Variants in PTPRD observed in about 807,000 individuals in gnomAD.
The protein encoded by PTPRD is receptor-type tyrosine-protein phosphatase delta.
PTPRD carries 34 observed loss-of-function variants against 214.5 expected under a neutral mutation model. The ratio of observed to expected loss-of-function variants is 0.16; its 90% CI spans 0.12 to 0.21. PTPRD has a LOEUF of 0.21. Among genes scored for constraint, PTPRD ranks in the 10% least tolerant of loss-of-function variants. The pLI is 1.00. For missense variants in PTPRD, 2,545 were observed against 2,398.7 expected (o/e 1.06, Z -1.27); for synonymous variants, 1,128 against 845.7 (o/e 1.33, Z -5.79).
At chr9:8,582,609 T>C (rs2093276739) in intron 14 of PTPRD, among the ~76,000 whole-genome samples, 1 of 152,040 alleles carries the variant, frequency 6.6e-6, no homozygotes, top group Admixed American at 6.6e-5. Context: ...AGATGAAACA[T>C]ATGGAGAATA....
At chr9:9,814,068 C>T (rs2153552312) in intron 5 of PTPRD, among the ~76,000 whole-genome samples, 1 of 152,080 alleles carries the variant, frequency 6.6e-6, no homozygotes, top group African/African-American at 2.4e-5. Flanking sequence ...TCAATAGATG[C>T]AGAAAATGAA....
At chr9:9,530,735 C>T (rs1381912653) in intron 8 of PTPRD, among the ~76,000 whole-genome samples, 1 of 152,106 alleles carries the variant, frequency 6.6e-6, no homozygotes, top group Non-Finnish European at 1.5e-5. Context: ...TCATTTGCAG[C>T]AACATGGATG....
At chr9:10,337,565 T>A (rs1329033027) in intron 3 of PTPRD, among the ~76,000 whole-genome samples, 3 of 151,736 alleles carry the variant, frequency 2.0e-5, no homozygotes, top group Admixed American at 1.3e-4. Flanking sequence ...GTATATTCAC[T>A]CATGCATTTT....
At chr9:9,478,085 G>C (rs1165241625) in intron 8 of PTPRD, among the ~76,000 whole-genome samples, 2 of 152,060 alleles carry the variant, frequency 1.3e-5, no homozygotes, top group African/African-American at 4.8e-5. Flanking sequence ...TGTTTTGATT[G>C]TCTCAAATAA....
intron 9 of PTPRD, among the ~76,000 whole-genome samples, chr9:9,202,712 T>C (rs1360322706): frequency 2.0e-5 from 3 of 152,348 alleles, no homozygotes; most frequent in Admixed American, 1.3e-4. Context: ...CCAAATGATC[T>C]TCTGAACTGC....
At chr9:8,861,418 G>C (rs536158747) in intron 11 of PTPRD, 2 of 152,134 alleles carry the variant, frequency 1.3e-5, no homozygotes, top group South Asian at 4.2e-4. Context: ...TACATACTAA[G>C]TTGTTTTATT....
chr9:9,725,150 A>G (rs72708464), intron 7 of PTPRD, among the ~76,000 whole-genome samples: 1,791 of 152,210 alleles, frequency 0.012, 18 homozygotes, highest in Middle Eastern at 0.037. Flanking sequence ...TGTGTCCCCA[A>G]TCAAATCTCA....
chr9:8,578,625 C>T (rs1030427743), intron 14 of PTPRD, among the ~76,000 whole-genome samples: 3 of 152,152 alleles, frequency 2.0e-5, no homozygotes, highest in Admixed American at 2.0e-4. Flanking sequence ...GGAAAGGCAA[C>T]AGGATCCGCC....
At chr9:8,789,308 C>G (rs1328173297) in intron 11 of PTPRD, among the ~76,000 whole-genome samples, 1 of 152,182 alleles carries the variant, frequency 6.6e-6, no homozygotes, top group Non-Finnish European at 1.5e-5. Context: ...AGGTGGTTGT[C>G]TGACCCAAAA....
At chr9:8,870,187 C>T (rs2098271235) in intron 11 of PTPRD, among the ~76,000 whole-genome samples, 1 of 151,456 alleles carries the variant, frequency 6.6e-6, no homozygotes, top group African/African-American at 2.4e-5. Flanking sequence ...ATCCCCTGCC[C>T]TTTAAATTAT....
chr9:9,052,531 G>A (rs1461863003), intron 10 of PTPRD, among the ~76,000 whole-genome samples: 1 of 152,096 alleles, frequency 6.6e-6, no homozygotes, highest in Non-Finnish European at 1.5e-5. Flanking sequence ...ACACTGAAAG[G>A]TATGTTAGTG....
At chr9:9,308,828 A>G (rs1042719201) in intron 9 of PTPRD, among the ~76,000 whole-genome samples, 3 of 152,174 alleles carry the variant, frequency 2.0e-5, no homozygotes, top group African/African-American at 7.2e-5. Context: ...TATTTAAACT[A>G]CAAAATTTTC....
chr9:9,735,040 G>C (rs2098269242), intron 6 of PTPRD, among the ~76,000 whole-genome samples: 1 of 151,988 alleles, frequency 6.6e-6, no homozygotes, highest in Non-Finnish European at 1.5e-5. Context: ...TTTTTGAAAA[G>C]TAAAACCATG....
At chr9:8,924,694 A>G (rs1388845292) in intron 11 of PTPRD, among the ~76,000 whole-genome samples, 1 of 152,044 alleles carries the variant, frequency 6.6e-6, no homozygotes, top group Non-Finnish European at 1.5e-5. Context: ...GTAGAAGGAA[A>G]CTGTTAATGA....
intron 3 of PTPRD, among the ~76,000 whole-genome samples, chr9:10,330,990 G>C (rs1034506664): frequency 1.3e-5 from 2 of 151,728 alleles, no homozygotes; most frequent in African/African-American, 4.8e-5. Flanking sequence ...CATCCTTGTG[G>C]ATTTCAGTTT....
chr9:9,532,077 G>A (rs537486532), intron 8 of PTPRD, among the ~76,000 whole-genome samples: 1 of 151,782 alleles, frequency 6.6e-6, no homozygotes. Flanking sequence ...GCATAAATAA[G>A]GACAAGTCTC....
intron 8 of PTPRD, among the ~76,000 whole-genome samples, chr9:9,404,225 G>A (rs1251216784): frequency 6.6e-6 from 1 of 152,058 alleles, no homozygotes; most frequent in African/African-American, 2.4e-5. Flanking sequence ...TTAAGAAGTT[G>A]AGTGACATTA....
intron 5 of PTPRD, among the ~76,000 whole-genome samples, chr9:9,930,024 A>T (rs771226860): frequency 6.6e-6 from 1 of 152,256 alleles, no homozygotes; most frequent in South Asian, 2.1e-4. Context: ...AGTCTGTAGG[A>T]AACAAAACAA....
chr9:10,510,229 T>C (rs775502117), intron 2 of PTPRD, among the ~76,000 whole-genome samples: 1 of 152,134 alleles, frequency 6.6e-6, no homozygotes, highest in African/African-American at 2.4e-5. Context: ...TATGGGTCTA[T>C]GATTCATTGT....
Sources: gnomAD v4.1 joint callset for allele counts (sites outside exome capture counted in the v4.1 genomes callset) on GRCh38, gnomAD v4.1.1 for gene constraint, MANE v1.5 for transcripts, NCBI Gene and HGNC (gene_info 2026-07-23, HGNC 2026-07-21) for gene names.